The following BANP variants were observed in gnomAD, a reference collection of about 807,000 sequenced individuals.
The protein encoded by BANP is protein BANP.
Under a neutral mutation model 68.1 loss-of-function variants are expected in BANP, and 11 were observed. The ratio of observed to expected loss-of-function variants is 0.16; its 90% CI spans 0.10 to 0.27. The LOEUF (loss-of-function observed/expected upper bound fraction) is 0.27. Among genes scored for constraint, BANP ranks in the 10% least tolerant of loss-of-function variants. The pLI, the probability that BANP is intolerant of heterozygous loss-of-function variation, is 1.00. For missense variants in BANP, 504 were observed against 722.7 expected (o/e 0.70, Z 3.47); for synonymous variants, 329 against 303.2 (o/e 1.09, Z -0.88).
At chr16:88,032,466 TG>T (rs2078404253) in intron 8 of BANP, among the ~76,000 whole-genome samples, 1 of 152,164 alleles carries the variant, frequency 6.6e-6, no homozygotes, top group South Asian at 2.1e-4. Flanking sequence ...CCTCACAGAG[TG>T]CTGGGATTAC....
chr16:88,050,539 C>T (rs187030380), intron 11 of BANP, among the ~76,000 whole-genome samples: 34 of 152,284 alleles, frequency 2.2e-4, no homozygotes, highest in South Asian at 1.9e-3. Flanking sequence ...GAACTGCCAG[C>T]GGCCTAAGTG....
At chr16:88,060,256 G>A (rs1404621253) in intron 11 of BANP, among the ~76,000 whole-genome samples, 1 of 152,236 alleles carries the variant, frequency 6.6e-6, no homozygotes, top group Non-Finnish European at 1.5e-5. Flanking sequence ...TGCCCTCCGG[G>A]CAGAGCCCAC....
intron 11 of BANP, among the ~76,000 whole-genome samples, chr16:88,042,738 C>T (rs1020046946): frequency 1.3e-5 from 2 of 150,884 alleles, no homozygotes; most frequent in Non-Finnish European, 3.0e-5. Flanking sequence ...GGCAACATAG[C>T]GAGACCCTGT....
intron 6 of BANP, among the ~76,000 whole-genome samples, chr16:88,010,463 T>C (rs1456168967): frequency 2.6e-5 from 4 of 152,178 alleles, no homozygotes; most frequent in Non-Finnish European, 5.9e-5. Context: ...TGAAGGCTGG[T>C]GAGGCACAGC....
chr16:88,036,709 T>C lies in BANP; in HGVS notation c.1273-1264T>C, dbSNP rs990119085. Among the ~76,000 whole-genome samples, 1 of 152,110 alleles carries C rather than the reference T, an allele frequency of 6.6e-6. No individual in the cohort carries two copies. Among genetic ancestry groups the C allele is most frequent in the South Asian group, 2.1e-4 (1 of 4,828 alleles). Reference sequence around the variant, plus strand: ...GAGTGGGCTCATCCACACAGCGACATGACCAGGTCACTAAGAAACGTGGTC... The same window carrying C: ...GAGTGGGCTCATCCACACAGCGACACGACCAGGTCACTAAGAAACGTGGTC... On this transcript the variant is annotated intron_variant, in intron 10 of 13. Transcript: ENST00000682872. The surrounding 1 kb of genome is among the most constrained non-coding windows in gnomAD (Gnocchi z 4.2).
In BANP at chr16:88,071,560, C is replaced by G. The variant is rs1178761845; in HGVS notation, c.1378-509C>G. 2.2e-6 allele frequency: 1 copy of G among 457,108 alleles called. No individual in the cohort carries two copies. The highest frequency in any genetic ancestry group is 6.9e-5 in the East Asian group (1 of 14,412). 28.3% of individuals were successfully genotyped at this position (457,108 alleles called of 1,614,324 possible). A position where few individuals can be genotyped will look rare whatever the true frequency, so the allele number is the denominator to read the frequency against. On this transcript the variant is annotated intron_variant, in intron 12 of 13. Transcript: ENST00000682872. This position sits in a 1 kb window ranked among gnomAD's most constrained non-coding sequence, Gnocchi z 6.5. ...CTTTCCTGCGAGCTTCTGCTGGGTT[C>G]TCAGTGCCCACCAGCAGCTCCTTTG...
intron 4 of BANP, among the ~76,000 whole-genome samples, chr16:87,987,540 G>A (rs537922378): frequency 1.0e-3 from 155 of 151,374 alleles, no homozygotes; most frequent in African/African-American, 3.6e-3. Flanking sequence ...CGTGGGCAAC[G>A]TAGTGAGACC....
chr16:88,050,157 G>A (rs530380282), intron 11 of BANP, among the ~76,000 whole-genome samples: 1 of 152,296 alleles, frequency 6.6e-6, no homozygotes, highest in Non-Finnish European at 1.5e-5. Context: ...TATCTAGCTA[G>A]CTAGCCAGCT....
intron 7 of BANP, among the ~76,000 whole-genome samples, chr16:88,020,929 G>A (rs1264306757): frequency 6.6e-6 from 1 of 152,234 alleles, no homozygotes; most frequent in African/African-American, 2.4e-5. Context: ...CATGGCGGTG[G>A]GGTGGCTGTG....
Position 88,009,290 on chromosome 16 carries a change from G to A in BANP, c.655+3025G>A, listed in dbSNP as rs111415442. On this transcript the variant is annotated intron_variant, in intron 6 of 13. Transcript: ENST00000682872. ...GAATATGGGAAGTGCTAAAGGGGGT[G>A]TGCTTGTCTTTCTATTTAGTTGTTT... is the stretch of plus-strand genomic sequence containing the variant. 3.4e-4 allele frequency among the ~76,000 whole-genome samples: 51 copies of A among 152,184 alleles called. 1 individual carries two copies. The highest frequency in any genetic ancestry group is 1.2e-3 in the African/African-American group (50 of 41,430).
At chr16:88,048,190 A>G (rs2082432086) in intron 11 of BANP, among the ~76,000 whole-genome samples, 1 of 152,264 alleles carries the variant, frequency 6.6e-6, no homozygotes, top group Non-Finnish European at 1.5e-5. Context: ...AGTTTAAAAT[A>G]GCAAGAGGTA....
chr16:88,065,340 C>G lies in BANP; in HGVS notation c.1377+8C>G, dbSNP rs370560809. 18 of 769,136 alleles carry G rather than the reference C, an allele frequency of 2.3e-5. No homozygotes were observed. In the African/African-American group the frequency reaches 3.0e-4, roughly 13 times the overall value. 47.6% of individuals were successfully genotyped at this position (769,136 alleles called of 1,614,324 possible). On this transcript the variant is annotated splice_region_variant and intron_variant, in intron 12 of 13. Coordinates refer to ENST00000682872, the MANE Select transcript of BANP (RefSeq NM_001386991.1). ...AAAGCCAGCAGTGGCCAGGTGAGTCCTTTGTACATCCCATCTCTCCCACCC... is the reference window on the plus strand; with the variant it reads ...AAAGCCAGCAGTGGCCAGGTGAGTCGTTTGTACATCCCATCTCTCCCACCC...
Position 88,071,403 on chromosome 16 carries a change from C to A in BANP, c.1378-666C>A, listed in dbSNP as rs1258054407. 6.7e-6 allele frequency: 3 copies of A among 448,074 alleles called. No individual in the cohort carries two copies. The East Asian group carries it at 2.1e-4, about 31-fold the overall frequency. The allele number at this position is 448,074 out of a possible 1,614,324, so 27.8% of individuals were successfully genotyped here. The stretch of plus-strand genomic sequence containing the variant: ...GGGTGCTTACAGGCGATGGGGTCAC[C>A]AGAGCCCACCCAGGGGCCTCGCCTG... On this transcript the variant is annotated intron_variant, in intron 12 of 13. Coordinates refer to ENST00000682872, the MANE Select transcript of BANP (RefSeq NM_001386991.1). The surrounding 1 kb of genome is among the most constrained non-coding windows in gnomAD (Gnocchi z 6.5).
intron 7 of BANP, among the ~76,000 whole-genome samples, chr16:88,024,407 G>A (rs1206725734): frequency 1.3e-5 from 2 of 152,218 alleles, no homozygotes; most frequent in Non-Finnish European, 2.9e-5. Context: ...AAAAATGTCT[G>A]TCAAATAACA....
chr16:88,010,484 G>C (rs1341160946), intron 6 of BANP, among the ~76,000 whole-genome samples: 9 of 152,206 alleles, frequency 5.9e-5, no homozygotes, highest in Admixed American at 5.9e-4. Context: ...TGGGAGAGTT[G>C]GGCAGCTGTG....
intron 4 of BANP, among the ~76,000 whole-genome samples, chr16:87,984,726 T>C (rs952225282): frequency 4.4e-4 from 67 of 152,334 alleles, no homozygotes; most frequent in African/African-American, 1.4e-3. Context: ...TGTGTGGTAG[T>C]TTGCAAACTG....
Position 88,065,317 on chromosome 16 carries a change from A to T in BANP, c.1362A>T (p.Lys454Asn). 1 of 770,734 alleles carries T rather than the reference A, an allele frequency of 1.3e-6. No individual in the cohort carries two copies. Among genetic ancestry groups the T allele is most frequent in the Non-Finnish European group, 2.4e-6 (1 of 417,858 alleles). 47.7% of individuals were successfully genotyped at this position (770,734 alleles called of 1,614,324 possible). Residue 454 changes from lysine (K) to asparagine (N), a missense_variant, in exon 12 of 14, where the codon AAA becomes AAT. Lys to Asn is a moderately conservative substitution (Grantham distance 94). This residue lies in a region of BANP where 223 missense variants were observed against 246.2 expected (regional missense o/e 0.91). Coordinates refer to ENST00000682872, the MANE Select transcript of BANP (RefSeq NM_001386991.1). The stretch of plus-strand genomic sequence containing the variant: ...GCCTCCTGGCCCCATCCGTCTTCAA[A>T]GCCAGCAGTGGCCAGGTGAGTCCTT... The part of the protein sequence containing the change: ...IPCLLAPSVF[K>N]ASSGQVLQGA...
intron 6 of BANP, among the ~76,000 whole-genome samples, chr16:88,015,964 G>T (rs2074452271): frequency 6.6e-6 from 1 of 152,190 alleles, no homozygotes; most frequent in Non-Finnish European, 1.5e-5. Flanking sequence ...CGCCCAGTCT[G>T]GGTTTGGGAG....
intron 11 of BANP, among the ~76,000 whole-genome samples, chr16:88,058,612 C>A (rs766520298): frequency 1.3e-5 from 2 of 152,190 alleles, no homozygotes; most frequent in Non-Finnish European, 2.9e-5. Flanking sequence ...CCACCACCAT[C>A]GTTCTTTCCA....
Sources: gnomAD v4.1 joint callset for allele counts (sites outside exome capture counted in the v4.1 genomes callset) on GRCh38, gnomAD v4.1.1 for gene constraint, gnomAD v4.1.1 regional missense constraint, Gnocchi (gnomAD v3.1) non-coding constraint, MANE v1.5 for transcripts, NCBI Gene and HGNC (gene_info 2026-07-23, HGNC 2026-07-21) for gene names.